STK10: variants seen among roughly 807,000 people sequenced by gnomAD.
The protein encoded by STK10 is serine/threonine-protein kinase 10.
Under a neutral mutation model 113.8 loss-of-function variants are expected in STK10, and 78 were observed. The ratio of observed to expected loss-of-function variants is 0.69; its 90% CI spans 0.57 to 0.83. The LOEUF (loss-of-function observed/expected upper bound fraction) is 0.83. STK10 is among the 40% of genes least tolerant of loss of function. The probability of loss-of-function intolerance (pLI) is 0.00; values close to 1 mark genes in which losing one functional copy is unlikely to be tolerated. For synonymous variants in STK10, 465 were observed against 494.7 expected (o/e 0.94, Z 0.80); for missense variants, 1,109 against 1,280.1 (o/e 0.87, Z 2.04).
chr5:172,097,525 T>C (rs1768884163), intron 7 of STK10, among the ~76,000 whole-genome samples: 1 of 152,218 alleles, frequency 6.6e-6, no homozygotes, highest in African/African-American at 2.4e-5. Flanking sequence ...GTCTTTCGCG[T>C]TGGCTTCCTT....
intron 1 of STK10, among the ~76,000 whole-genome samples, chr5:172,185,240 C>T (rs1320513410): frequency 2.7e-5 from 4 of 150,644 alleles, no homozygotes; most frequent in African/African-American, 4.9e-5. Context: ...AAGCCCCTAA[C>T]GGAGAAAAAA....
At chr5:172,105,564 G>A (rs1328558230) in intron 7 of STK10, 92 bp downstream of exon 7, 18 of 1,339,628 alleles carry the variant, frequency 1.3e-5, no homozygotes, top group Non-Finnish European at 1.8e-5. Flanking sequence ...CTGTTCCCTG[G>A]GCGGGGTGAG....
chr5:172,072,976 T>C (rs960773068), intron 12 of STK10, among the ~76,000 whole-genome samples: 1 of 152,132 alleles, frequency 6.6e-6, no homozygotes, highest in African/African-American at 2.4e-5. Context: ...AATGAACAAT[T>C]AGAATTTTTC....
intron 12 of STK10, among the ~76,000 whole-genome samples, chr5:172,072,104 T>C (rs1005906204): frequency 6.6e-6 from 1 of 152,174 alleles, no homozygotes; most frequent in Non-Finnish European, 1.5e-5. Context: ...TGATGCAATA[T>C]TTTAAAATCA....
At chr5:172,103,724 G>T (rs1162259549) in intron 7 of STK10, among the ~76,000 whole-genome samples, 1 of 151,954 alleles carries the variant, frequency 6.6e-6, no homozygotes, top group African/African-American at 2.4e-5. Flanking sequence ...GCAGTAGATA[G>T]ACCTCATTTT....
chr5:172,096,454 T>G lies in STK10; in HGVS notation c.977A>C (p.Glu326Ala), dbSNP rs776997696. The G allele has an allele frequency of 6.2e-7, 1 of 1,613,142 alleles. No homozygotes were observed. Among genetic ancestry groups the G allele is most frequent in the Non-Finnish European group, 8.5e-7 (1 of 1,179,980 alleles). Residue 326 changes from glutamate to alanine, a missense_variant, in exon 8 of 19, where the codon GAA (glutamate) becomes GCA (alanine). This residue lies in a region of STK10 where 885 missense variants were observed against 991.1 expected (regional missense o/e 0.89). Coordinates refer to ENST00000176763, the MANE Select transcript of STK10 (RefSeq NM_005990.4). Reference sequence around the variant, plus strand: ...GGCGGCATCCACGGCGTCCTCCTCTTCCCCCTCATCCCGGCCGTCTTCGAT... The same window carrying G: ...GGCGGCATCCACGGCGTCCTCCTCTGCCCCCTCATCCCGGCCGTCTTCGAT... ...EEIEDGRDEG[E>A]EEDAVDAAST...
At chr5:172,129,440 A>G (rs1194371078) in intron 2 of STK10, among the ~76,000 whole-genome samples, 8 of 152,200 alleles carry the variant, frequency 5.3e-5, no homozygotes, top group Non-Finnish European at 1.2e-4. Context: ...AGCTTCCCCA[A>G]GACTTCTCTC....
At chr5:172,111,476 C>A (rs370684579) in intron 4 of STK10, among the ~76,000 whole-genome samples, 1 of 152,190 alleles carries the variant, frequency 6.6e-6, no homozygotes, top group African/African-American at 2.4e-5. Context: ...CCCTTCTGCC[C>A]CACACGATGG....
chr5:172,051,664 C>T (rs1767630861), intron 18 of STK10, among the ~76,000 whole-genome samples: 1 of 151,944 alleles, frequency 6.6e-6, no homozygotes, highest in African/African-American at 2.4e-5. Context: ...AGATGGGTCA[C>T]GAGGGACGTT....
intron 8 of STK10, among the ~76,000 whole-genome samples, chr5:172,095,016 C>T (rs1768815156): frequency 6.6e-6 from 1 of 152,176 alleles, no homozygotes; most frequent in Non-Finnish European, 1.5e-5. Flanking sequence ...ATTGCTTTGC[C>T]CCAGAGGGCC....
chr5:172,048,988 C>T (rs1159383259), intron 18 of STK10, among the ~76,000 whole-genome samples: 8 of 152,086 alleles, frequency 5.3e-5, no homozygotes, highest in Non-Finnish European at 7.4e-5. Flanking sequence ...CACGGCTGCA[C>T]GCCTCCCTCC....
At chr5:172,117,385 C>G in intron 4 of STK10, 96 bp downstream of exon 4, 3 of 1,465,150 alleles carry the variant, frequency 2.0e-6, no homozygotes, top group East Asian at 2.3e-5. Context: ...CCCCACACCC[C>G]CATGAGGTCC....
Position 172,082,420 on chromosome 5 carries a change from G to T in STK10, c.1895C>A (p.Ala632Asp), listed in dbSNP as rs767684376. 1.2e-6 allele frequency: 2 copies of T among 1,611,880 alleles called. No individual in the cohort carries two copies. Among genetic ancestry groups the T allele is most frequent in the South Asian group, 2.2e-5 (2 of 90,736 alleles). Residue 632 changes from alanine to aspartate, a missense_variant, in exon 12 of 19, where the codon GCC (alanine) becomes GAC (aspartate). Around this residue, in one of 5 missense-constraint regions of STK10, gnomAD observed 885 missense variants for 991.1 expected, o/e 0.89. Transcript: ENST00000176763. The surrounding 1 kb of genome is among the most constrained non-coding windows in gnomAD (Gnocchi z 4.3). ...CCTGGCCTCCTCCCGGCGGCGCACG[G>T]CATGGTCTTGCTCCATCTTCTCCAC... Reference protein sequence around the residue: ...QQVEKMEQDHAVRRREEARRI... With the variant: ...QQVEKMEQDHDVRRREEARRI...
chr5:172,173,591 A>G (rs1350815626), intron 1 of STK10, among the ~76,000 whole-genome samples: 1 of 152,224 alleles, frequency 6.6e-6, no homozygotes, highest in Non-Finnish European at 1.5e-5. Context: ...ACCCCCCAGT[A>G]GCCCTGTGCC....
At chr5:172,045,907 C>T (rs1051571325) in intron 18 of STK10, among the ~76,000 whole-genome samples, 1 of 151,424 alleles carries the variant, frequency 6.6e-6, no homozygotes, top group Non-Finnish European at 1.5e-5. Flanking sequence ...CCAGACTGGT[C>T]TCAAACTCCT....
chr5:172,081,871 C>A (rs1165219503), intron 12 of STK10, among the ~76,000 whole-genome samples: 1 of 152,186 alleles, frequency 6.6e-6, no homozygotes, highest in Non-Finnish European at 1.5e-5. Flanking sequence ...GGACCACATA[C>A]CTCCTTCCAT....
At chr5:172,154,096 A>G (rs1472172713) in intron 2 of STK10, among the ~76,000 whole-genome samples, 5 of 152,176 alleles carry the variant, frequency 3.3e-5, no homozygotes, top group African/African-American at 1.2e-4. Context: ...TCCATTACCT[A>G]AAACAGTGAT....
chr5:172,105,601 T>C, intron 7 of STK10, 55 bp downstream of exon 7: 1 of 1,581,008 alleles, frequency 6.3e-7, no homozygotes. Flanking sequence ...AGGTCACTGG[T>C]GAGTTCATTA....
intron 8 of STK10, among the ~76,000 whole-genome samples, chr5:172,094,190 T>G (rs548481568): frequency 6.6e-6 from 1 of 152,212 alleles, no homozygotes; most frequent in East Asian, 1.9e-4. Flanking sequence ...TAATCTCAGC[T>G]GAATGTAATA....
Sources: allele counts gnomAD v4.1 joint callset (sites outside exome capture counted in the v4.1 genomes callset), GRCh38; gene constraint gnomAD v4.1.1; regional missense constraint gnomAD v4.1.1; non-coding constraint Gnocchi (gnomAD v3.1); transcripts MANE v1.5; gene names NCBI Gene and HGNC (gene_info 2026-07-23, HGNC 2026-07-21).